The following MCFD2 variants were observed in gnomAD, a reference collection of about 807,000 sequenced individuals.
MCFD2 encodes the protein multiple coagulation factor deficiency protein 2.
In MCFD2, 11 loss-of-function variants were observed where a neutral mutation model predicts 12.8. The ratio of observed to expected loss-of-function variants is 0.86; its 90% CI spans 0.54 to 1.42. The LOEUF (loss-of-function observed/expected upper bound fraction) is 1.42, where lower values mean the gene tolerates loss of function less well. Among genes scored for constraint, MCFD2 ranks in the 40% most tolerant of loss-of-function variants. The pLI is 0.00. For missense variants in MCFD2, 191 were observed against 178.6 expected (o/e 1.07, Z -0.40); for synonymous variants, 70 against 68.1 (o/e 1.03, Z -0.14).
At chr2:46,913,447 G>C (rs1668567131) in intron 1 of MCFD2, among the ~76,000 whole-genome samples, 1 of 152,168 alleles carries the variant, frequency 6.6e-6, no homozygotes, top group Non-Finnish European at 1.5e-5. Context: ...GGGAAAGATA[G>C]AAAACAGGGA....
chr2:46,903,786 A>T lies in MCFD2; in HGVS notation c.*1677T>A, dbSNP rs28770495. ...TTTTAAAGGCATTCCCTTATAAATAAGGGAAGCAAAGCATAAAAGTTTGGA... is the reference window on the plus strand; with the variant it reads ...TTTTAAAGGCATTCCCTTATAAATATGGGAAGCAAAGCATAAAAGTTTGGA... On this transcript the variant is annotated 3_prime_UTR_variant, in exon 4 of 4. Coordinates refer to ENST00000319466, the MANE Select transcript of MCFD2 (RefSeq NM_139279.6). 3.3e-5 allele frequency: 5 copies of T among 152,184 alleles called. No individual in the cohort carries two copies. The highest frequency in any genetic ancestry group is 9.7e-5 in the African/African-American group (4 of 41,438). 9.4% of individuals were successfully genotyped at this position (152,184 alleles called of 1,614,324 possible).
In MCFD2 at chr2:46,908,264, C is replaced by CT. The variant is rs57111138; in HGVS notation, c.150-296dup. 0.021 allele frequency: 7,156 copies of CT among 345,480 alleles called. 3 individuals carry two copies. Among genetic ancestry groups the CT allele is most frequent in the South Asian group, 0.033 (1,323 of 39,878 alleles). 21.4% of individuals were successfully genotyped at this position (345,480 alleles called of 1,614,324 possible). ...CAATTTAAAAATATGTCCTTTAAAA[C>CT]TTTTTTTTTTTTTTGAGACAGGGTC... is the stretch of plus-strand genomic sequence containing the variant. On this transcript the variant is annotated intron_variant, in intron 2 of 3. Coordinates refer to ENST00000319466, the MANE Select transcript of MCFD2 (RefSeq NM_139279.6). This position sits in a 1 kb window ranked among gnomAD's most constrained non-coding sequence, Gnocchi z 4.5.
At chr2:46,933,626 A>G (rs546050440) in intron 1 of MCFD2, among the ~76,000 whole-genome samples, 8 of 152,342 alleles carry the variant, frequency 5.3e-5, no homozygotes, top group African/African-American at 1.7e-4. Flanking sequence ...CTCTGAGCCA[A>G]TGATCATGGT....
Position 46,936,525 on chromosome 2 carries a change from G to T in MCFD2, c.-8+5047C>A, listed in dbSNP as rs903177389. On this transcript the variant is annotated intron_variant, in intron 1 of 2. Coordinates refer to the MCFD2 transcript ENST00000409147. ...AAAGGTCTAGCTATGAGGCTGGGGG[G>T]TCCTGAGCCACAGGATACACAAGCA... Among the ~76,000 whole-genome samples, 6 of 152,242 alleles carry T rather than the reference G, an allele frequency of 3.9e-5. No individual in the cohort carries two copies. In the South Asian group the frequency reaches 8.3e-4, roughly 21 times the overall value.
chr2:46,935,439 C>A (rs188819768), intron 1 of MCFD2, among the ~76,000 whole-genome samples: 1 of 152,144 alleles, frequency 6.6e-6, no homozygotes, highest in East Asian at 1.9e-4. Flanking sequence ...ACAAAACAGA[C>A]CCCAACACTT....
upstream of MCFD2, chr2:46,917,293 G>A (rs757597660): frequency 1.1e-5 from 7 of 656,226 alleles, no homozygotes; most frequent in Admixed American, 2.7e-5. Flanking sequence ...CCACCGCGCC[G>A]GGACAAAGAA....
At chr2:46,923,300 G>T (rs980435520) in intron 1 of MCFD2, among the ~76,000 whole-genome samples, 5 of 152,204 alleles carry the variant, frequency 3.3e-5, no homozygotes, top group Admixed American at 3.3e-4. Flanking sequence ...TGGAGGTGGG[G>T]CTAAGAGTCC....
chr2:46,916,259 A>C, upstream of MCFD2: 1 of 790,874 alleles, frequency 1.3e-6, no homozygotes. Context: ...AACGACCACA[A>C]CACGCTGGAG....
In MCFD2 at chr2:46,902,915, G is replaced by A. The variant is rs1289065326; in HGVS notation, c.*2548C>T. On this transcript the variant is annotated 3_prime_UTR_variant, in exon 4 of 4. Transcript: ENST00000319466. ...TGTTGTTTTACTTTTCAGGTGATGT[G>A]AATTAAAATTAAGAAACTAGCAGTA... The A allele has an allele frequency of 6.6e-6, 1 of 152,200 alleles. No homozygotes were observed. Among genetic ancestry groups the A allele is most frequent in the Non-Finnish European group, 1.5e-5 (1 of 68,036 alleles). 9.4% of individuals were successfully genotyped at this position (152,200 alleles called of 1,614,324 possible).
rs746904307 is a variant in MCFD2 at position 46,907,817 on chromosome 2, T to G, written c.302A>C (p.His101Pro). The G allele has an allele frequency of 1.2e-6, 2 of 1,614,058 alleles. No individual in the cohort carries two copies. The highest frequency in any genetic ancestry group is 2.7e-5 in the African/African-American group (2 of 74,932). The change falls in exon 3 of 4, where the codon CAT becomes CCT. Residue 101 changes from histidine to proline, a missense_variant. Physicochemically the swap from His to Pro is moderately conservative, Grantham distance 77 (BLOSUM62 -2). Transcript: ENST00000319466. This position sits in a 1 kb window ranked among gnomAD's most constrained non-coding sequence, Gnocchi z 4.1. ...AGCCACTGCCAGACCTACCTCCTTA[T>G]GGACATGAGTGATGGCTGTGGAGAG... Reference protein sequence around the residue: ...LELSTAITHVHKEEGSEQAPL... With the variant: ...LELSTAITHVPKEEGSEQAPL...
chr2:46,930,189 A>T (rs1041950588), intron 1 of MCFD2, among the ~76,000 whole-genome samples: 6 of 152,220 alleles, frequency 3.9e-5, no homozygotes, highest in East Asian at 1.9e-4. Context: ...GTGGAAAGCA[A>T]CATGTAATAG....
At position 46,907,423 on chromosome 2, in the gene MCFD2, T is replaced by G. The variant is rs138239548; in HGVS notation, c.309+387A>C. ...TTTTTGAGACAAGGCCTCACTCTGT[T>G]GCCCAGGCTGAAGTGCGGTGGCATG... On this transcript the variant is annotated intron_variant, in intron 3 of 3. Transcript: ENST00000319466. The surrounding 1 kb of genome is among the most constrained non-coding windows in gnomAD (Gnocchi z 4.1). The G allele has an allele frequency of 4.9e-4, 118 of 239,656 alleles. No individual in the cohort carries two copies. Among genetic ancestry groups the G allele is most frequent in the African/African-American group, 2.5e-3 (111 of 44,286 alleles). The allele number at this position is 239,656 out of a possible 1,614,324, so 14.8% of individuals were successfully genotyped here.
intron 1 of MCFD2, among the ~76,000 whole-genome samples, chr2:46,924,375 T>C (rs1010857891): frequency 2.6e-5 from 4 of 152,184 alleles, no homozygotes; most frequent in African/African-American, 9.7e-5. Context: ...ATTGAGAATT[T>C]TCCCTACTTT....
In MCFD2 at chr2:46,902,731, C is replaced by G. The variant is rs1204724867; in HGVS notation, c.*2732G>C. ...TCTTATGCTGTGGCTTTGAAATAGCCTAATAAATATCCACTTGCCCAGAGC... is the reference window on the plus strand; with the variant it reads ...TCTTATGCTGTGGCTTTGAAATAGCGTAATAAATATCCACTTGCCCAGAGC... On this transcript the variant is annotated 3_prime_UTR_variant, in exon 4 of 4. Coordinates refer to ENST00000319466, the MANE Select transcript of MCFD2 (RefSeq NM_139279.6). The G allele has an allele frequency of 6.6e-6, 1 of 152,302 alleles. No individual in the cohort carries two copies. Among genetic ancestry groups the G allele is most frequent in the African/African-American group, 2.4e-5 (1 of 41,436 alleles). The allele number at this position is 152,302 out of a possible 1,614,324, so 9.4% of individuals were successfully genotyped here.
At chr2:46,911,432 C>T (rs1455224697) in intron 1 of MCFD2, among the ~76,000 whole-genome samples, 1 of 148,920 alleles carries the variant, frequency 6.7e-6, no homozygotes, top group Admixed American at 6.7e-5. Context: ...CCGGCCACCT[C>T]AGACCTTTTA....
At chr2:46,929,312 C>T (rs538065151) in intron 1 of MCFD2, among the ~76,000 whole-genome samples, 1 of 152,226 alleles carries the variant, frequency 6.6e-6, no homozygotes, top group South Asian at 2.1e-4. Context: ...TAGCCAGACC[C>T]CATGTCTATA....
rs750887765 is a variant in MCFD2 at position 46,941,630 on chromosome 2, C to G, written c.-66G>C. 4 of 1,554,746 alleles carry G rather than the reference C, an allele frequency of 2.6e-6. No homozygotes were observed. The highest frequency in any genetic ancestry group is 1.2e-5 in the South Asian group (1 of 84,286). Reference sequence around the variant, plus strand: ...GCCGAGGGCCACTGGGACCGCATGCCGGAGCTGGTCCGGCAGCTGCAGACG... The same window carrying G: ...GCCGAGGGCCACTGGGACCGCATGCGGGAGCTGGTCCGGCAGCTGCAGACG... On this transcript the variant is annotated 5_prime_UTR_variant, in exon 1 of 3. Transcript: ENST00000409147. This position sits in a 1 kb window ranked among gnomAD's most constrained non-coding sequence, Gnocchi z 4.2.
chr2:46,934,787 CTTTTTTTTTTTTTTTTTTTTT>C (rs1161003607), intron 1 of MCFD2, among the ~76,000 whole-genome samples: 4 of 66,890 alleles, frequency 6.0e-5, no homozygotes, highest in Non-Finnish European at 1.1e-4. Flanking sequence ...GACTACTGCT[CTTTTTTTTTTTTTTTTTTTTT>C]TTTTTTTTTT....
In MCFD2 at chr2:46,909,286, G is replaced by C. The variant is rs539824745; in HGVS notation, c.-6-109C>G. On this transcript the variant is annotated intron_variant, in intron 1 of 3. Transcript: ENST00000319466. ...AAACCTGATGAAGCAGTAAGGTTAG[G>C]AAGAGAGCTTGTCAAACACGGCCCA... is the stretch of plus-strand genomic sequence containing the variant. 6.6e-4 allele frequency: 875 copies of C among 1,316,746 alleles called. 15 individuals carry two copies. The South Asian group carries it at 0.01, about 16-fold the overall frequency. The allele number at this position is 1,316,746 out of a possible 1,614,324, so 81.6% of individuals were successfully genotyped here. A position where few individuals can be genotyped will look rare whatever the true frequency, so the allele number is the denominator to read the frequency against.
Sources: gnomAD v4.1 joint callset for allele counts (sites outside exome capture counted in the v4.1 genomes callset) on GRCh38, gnomAD v4.1.1 for gene constraint, Gnocchi (gnomAD v3.1) non-coding constraint, MANE v1.5 for transcripts, NCBI Gene and HGNC (gene_info 2026-07-23, HGNC 2026-07-21) for gene names.